STK3: variants seen among roughly 807,000 people sequenced by gnomAD.
STK3 encodes the protein serine/threonine kinase 3, also known as serine/threonine-protein kinase 3.
Under a neutral mutation model 58.0 loss-of-function variants are expected in STK3, and 41 were observed. The observed-to-expected ratio is 0.71, with a 90% CI of 0.55 to 0.92. STK3 has a LOEUF of 0.92. Among genes scored for constraint, STK3 ranks in the 40% least tolerant of loss-of-function variants. The pLI, the probability that STK3 is intolerant of heterozygous loss-of-function variation, is 0.00. For missense variants in STK3, 479 were observed against 602.7 expected, an observed-to-expected ratio of 0.79 and a Z score of 2.15; for synonymous variants, 170 against 191.0, an observed-to-expected ratio of 0.89 and a Z score of 0.91.
intron 6 of STK3, among the ~76,000 whole-genome samples, chr8:98,655,447 G>A (rs924077355): frequency 2.0e-5 from 3 of 152,118 alleles, no homozygotes; most frequent in African/African-American, 2.4e-5. Flanking sequence ...TGTCTAAAAT[G>A]CCAAAAGCAA....
chr8:98,729,071 C>T (rs1167732585), intron 4 of STK3, among the ~76,000 whole-genome samples: 1 of 152,112 alleles, frequency 6.6e-6, no homozygotes, highest in Non-Finnish European at 1.5e-5. Flanking sequence ...TGAATAGCCA[C>T]TGCTTGACTC....
intron 10 of STK3, among the ~76,000 whole-genome samples, chr8:98,504,202 G>C (rs533840986): frequency 2.6e-5 from 4 of 152,194 alleles, no homozygotes; most frequent in Admixed American, 2.6e-4. Flanking sequence ...TCAGAGACTA[G>C]GATTGCAACC....
At chr8:98,711,326 C>T (rs998292708) in intron 4 of STK3, among the ~76,000 whole-genome samples, 3 of 151,938 alleles carry the variant, frequency 2.0e-5, no homozygotes, top group African/African-American at 7.3e-5. Flanking sequence ...TTCTGATGAT[C>T]GAACTACTCC....
At chr8:98,622,200 C>T (rs1250508923) in intron 6 of STK3, among the ~76,000 whole-genome samples, 1 of 150,622 alleles carries the variant, frequency 6.6e-6, no homozygotes, top group South Asian at 2.1e-4. Context: ...ACCCAGGAGG[C>T]AGATGTTGCA....
chr8:98,584,624 T>C (rs1814311631), intron 7 of STK3, among the ~76,000 whole-genome samples: 1 of 149,578 alleles, frequency 6.7e-6, no homozygotes. Context: ...AGTAATGGGA[T>C]GGCTGGGTCA....
intron 1 of STK3, among the ~76,000 whole-genome samples, chr8:98,903,546 T>TCTTCTTCTA (rs1838754045): frequency 2.3e-5 from 1 of 44,056 alleles, no homozygotes; most frequent in African/African-American, 1.2e-4. Flanking sequence ...TTCTTCTTCT[T>TCTTCTTCTA]CTTCTTCTTC....
At chr8:98,612,851 G>A (rs901854606) in intron 6 of STK3, among the ~76,000 whole-genome samples, 7 of 152,070 alleles carry the variant, frequency 4.6e-5, no homozygotes, top group African/African-American at 1.7e-4. Context: ...CTCCTGACAT[G>A]GTGAGAAAAG....
intron 3 of STK3, among the ~76,000 whole-genome samples, chr8:98,871,552 C>CCAA (rs1837380964): frequency 6.6e-6 from 1 of 152,112 alleles, no homozygotes; most frequent in Non-Finnish European, 1.5e-5. Context: ...TTGAAGAGGT[C>CCAA]CTTCATGTCC....
At chr8:98,706,396 C>T (rs1192125352) in intron 6 of STK3, 71 bp downstream of exon 6, 1 of 1,403,248 alleles carries the variant, frequency 7.1e-7, no homozygotes, top group Non-Finnish European at 9.5e-7. Context: ...TTTATATTTA[C>T]TTACATTGAC....
At chr8:98,906,726 A>T (rs1050414819) in intron 1 of STK3, among the ~76,000 whole-genome samples, 12 of 152,232 alleles carry the variant, frequency 7.9e-5, no homozygotes, top group African/African-American at 2.9e-4. Context: ...CAAACTTTTT[A>T]AAGGCATGTT....
chr8:98,913,593 C>T (rs1407098670), intron 1 of STK3, among the ~76,000 whole-genome samples: 1 of 152,248 alleles, frequency 6.6e-6, no homozygotes, highest in South Asian at 2.1e-4. Context: ...ACCTGAATGC[C>T]GCCAAGGAGA....
downstream of STK3, among the ~76,000 whole-genome samples, chr8:98,398,920 A>G (rs1024074568): frequency 1.3e-5 from 2 of 152,232 alleles, no homozygotes; most frequent in Non-Finnish European, 2.9e-5. Context: ...AATATTTTGC[A>G]TGATTTGGCC....
chr8:98,501,203 G>A lies in STK3; in HGVS notation c.1317+25539C>T, dbSNP rs1464952498. Among the ~76,000 whole-genome samples, 4 of 151,780 alleles carry A rather than the reference G, an allele frequency of 2.6e-5. No individual in the cohort carries two copies. The East Asian group carries it at 7.7e-4, about 29-fold the overall frequency. ...TCATGTGTCTGCTGGCTGCATAAAT[G>A]TCTTCTTTTGAGAAGTGTCTGTTCA... is the stretch of plus-strand genomic sequence containing the variant. On this transcript the variant is annotated intron_variant, in intron 10 of 10. Coordinates refer to ENST00000419617, the MANE Select transcript of STK3 (RefSeq NM_006281.4).
chr8:98,903,548 T>TTCC (rs755489644), intron 1 of STK3, among the ~76,000 whole-genome samples: 1,031 of 21,532 alleles, frequency 0.048, 34 homozygotes, highest in East Asian at 0.11. Context: ...CTTCTTCTTC[T>TTCC]TCTTCTTCCT....
intron 3 of STK3, among the ~76,000 whole-genome samples, chr8:98,405,068 C>A (rs1786886241): frequency 1.3e-5 from 2 of 152,154 alleles, no homozygotes; most frequent in African/African-American, 4.8e-5. Flanking sequence ...AAAAAAGGCC[C>A]TTGTAGCTAT....
chr8:98,423,364 G>C (rs1818194091), intron 3 of STK3, among the ~76,000 whole-genome samples: 2 of 152,246 alleles, frequency 1.3e-5, no homozygotes, highest in Admixed American at 1.3e-4. Flanking sequence ...AGGGAGTGTG[G>C]TAGTGCAGAG....
At chr8:98,792,620 T>A (rs1395620803) in intron 1 of STK3, among the ~76,000 whole-genome samples, 2 of 152,130 alleles carry the variant, frequency 1.3e-5, no homozygotes, top group Non-Finnish European at 2.9e-5. Flanking sequence ...GAAATCACTT[T>A]AACCCAGGAA....
intron 1 of STK3, among the ~76,000 whole-genome samples, chr8:98,788,384 G>A (rs1283016831): frequency 6.6e-5 from 10 of 151,810 alleles, no homozygotes; most frequent in Admixed American, 6.6e-4. Flanking sequence ...GTTGCAGTGA[G>A]CCCTGATTAT....
At chr8:98,639,608 C>A (rs746006104) in intron 6 of STK3, among the ~76,000 whole-genome samples, 1 of 152,118 alleles carries the variant, frequency 6.6e-6, no homozygotes, top group South Asian at 2.1e-4. Flanking sequence ...ACTATTAATG[C>A]TTTGGGGAAA....
Sources: allele counts gnomAD v4.1 joint callset (sites outside exome capture counted in the v4.1 genomes callset), GRCh38; gene constraint gnomAD v4.1.1; transcripts MANE v1.5; gene names NCBI Gene and HGNC (gene_info 2026-07-23, HGNC 2026-07-21).